The following GRM5 variants were observed in gnomAD, a reference collection of about 807,000 sequenced individuals.
GRM5 encodes the protein glutamate metabotropic receptor 5.
A neutral mutation model predicts 83.1 loss-of-function variants in GRM5; 19 were observed. The observed-to-expected ratio is 0.23, with a 90% CI of 0.16 to 0.34. The LOEUF is 0.34. GRM5 is among the 10% of genes least tolerant of loss of function. The pLI is 1.00. For synonymous variants in GRM5, 675 were observed against 633.6 expected (o/e 1.07, Z -0.98); for missense variants, 1,160 against 1,588.3 (o/e 0.73, Z 4.58).
At chr11:88,819,837 C>A (rs1943755284) in intron 3 of GRM5, among the ~76,000 whole-genome samples, 2 of 152,040 alleles carry the variant, frequency 1.3e-5, no homozygotes, top group African/African-American at 4.8e-5. Context: ...CTGCTTTATC[C>A]CATGTTGGCA....
intron 3 of GRM5, among the ~76,000 whole-genome samples, chr11:88,835,540 T>C (rs1288260544): frequency 6.6e-6 from 1 of 152,184 alleles, no homozygotes; most frequent in Non-Finnish European, 1.5e-5. Context: ...ATGTAGTGTA[T>C]GCCAAATTAC....
intron 3 of GRM5, among the ~76,000 whole-genome samples, chr11:88,822,422 A>G (rs1016443888): frequency 6.6e-6 from 1 of 152,228 alleles, no homozygotes; most frequent in African/African-American, 2.4e-5. Flanking sequence ...AAGTTATTTT[A>G]GGTAGCAAGG....
intron 3 of GRM5, among the ~76,000 whole-genome samples, chr11:88,734,893 T>C (rs1298483869): frequency 6.2e-4 from 95 of 152,210 alleles, no homozygotes; most frequent in East Asian, 3.9e-4. Context: ...ACCAGATGGC[T>C]GTGCTAGCTG....
intron 2 of GRM5, among the ~76,000 whole-genome samples, chr11:89,046,434 C>G (rs1479713258): frequency 3.3e-5 from 5 of 151,846 alleles, no homozygotes; most frequent in Non-Finnish European, 7.4e-5. Flanking sequence ...GGGTCACAAC[C>G]TCTGTAGGTC....
chr11:88,941,799 C>A (rs749612368), intron 2 of GRM5, among the ~76,000 whole-genome samples: 5 of 151,914 alleles, frequency 3.3e-5, no homozygotes, highest in Non-Finnish European at 7.4e-5. Flanking sequence ...CCTACTGATG[C>A]GATGATGTGG....
chr11:88,666,080 A>C (rs1327964121), intron 3 of GRM5, among the ~76,000 whole-genome samples: 1 of 152,166 alleles, frequency 6.6e-6, no homozygotes, highest in Non-Finnish European at 1.5e-5. Flanking sequence ...CCTCCCTTGA[A>C]TTCTTTGCTA....
intron 2 of GRM5, among the ~76,000 whole-genome samples, chr11:88,891,091 CTG>C (rs1945136769): frequency 1.3e-5 from 2 of 152,054 alleles, no homozygotes; most frequent in African/African-American, 4.8e-5. Flanking sequence ...AGCCACTAAT[CTG>C]CCCTTTAGCA....
chr11:88,921,733 G>C (rs1166566845), intron 2 of GRM5, among the ~76,000 whole-genome samples: 1 of 151,992 alleles, frequency 6.6e-6, no homozygotes, highest in Non-Finnish European at 1.5e-5. Flanking sequence ...CTGTTATTCA[G>C]CATAATTCTG....
At chr11:88,678,688 T>C (rs999648209) in intron 3 of GRM5, among the ~76,000 whole-genome samples, 4 of 152,168 alleles carry the variant, frequency 2.6e-5, no homozygotes, top group Non-Finnish European at 5.9e-5. Flanking sequence ...CATTACAAAT[T>C]GATGACCACA....
At chr11:88,943,443 T>A (rs1417470648) in intron 2 of GRM5, among the ~76,000 whole-genome samples, 2 of 152,094 alleles carry the variant, frequency 1.3e-5, no homozygotes, top group Admixed American at 1.3e-4. Context: ...TGTGAAAGTC[T>A]AGGTCTGACT....
chr11:88,790,242 C>T (rs773332654), intron 3 of GRM5, among the ~76,000 whole-genome samples: 33 of 152,154 alleles, frequency 2.2e-4, no homozygotes, highest in Non-Finnish European at 4.0e-4. Flanking sequence ...TCTATCTACC[C>T]ATTAATTCAT....
intron 4 of GRM5, among the ~76,000 whole-genome samples, chr11:88,635,481 G>A (rs1939093187): frequency 6.6e-6 from 1 of 152,140 alleles, no homozygotes; most frequent in African/African-American, 2.4e-5. Context: ...TTTGAGAAAT[G>A]TGTATTCAAA....
chr11:88,986,105 A>C lies in GRM5; in HGVS notation c.661+61107T>G, dbSNP rs1245021054. ...TGGCAGGCTTATTACAGATATCCTT[A>C]AATGGATGAACGTTTAAATGACCAT... On this transcript the variant is annotated intron_variant, in intron 2 of 9. Transcript: ENST00000305447. 2.0e-5 allele frequency among the ~76,000 whole-genome samples: 3 copies of C among 152,300 alleles called. No homozygotes were observed. In the East Asian group the frequency reaches 5.8e-4, roughly 29 times the overall value.
rs116228143 is a variant in GRM5, at chr11:88,679,899, T to C, written c.912-26496A>G. Among the ~76,000 whole-genome samples the C allele has an allele frequency of 4.5e-3, 685 of 150,710 alleles. 7 individuals carry two copies. The highest frequency in any genetic ancestry group is 0.016 in the African/African-American group (661 of 41,014). On this transcript the variant is annotated intron_variant, in intron 3 of 9. Transcript: ENST00000305447. ...CTTTCTCTTAAACCTTAGTTTCACC[T>C]TCCTCATTCTTCATCTTCTTAATCT... is the stretch of plus-strand genomic sequence containing the variant.
At chr11:88,562,654 T>C (rs1400266766) in intron 8 of GRM5, among the ~76,000 whole-genome samples, 1 of 152,150 alleles carries the variant, frequency 6.6e-6, no homozygotes, top group Non-Finnish European at 1.5e-5. Flanking sequence ...CTTTGCTCTC[T>C]TCTCTGTTCC....
chr11:88,931,949 C>T (rs2135648679), intron 2 of GRM5, among the ~76,000 whole-genome samples: 1 of 152,138 alleles, frequency 6.6e-6, no homozygotes, highest in Non-Finnish European at 1.5e-5. Flanking sequence ...TTGATCTCAT[C>T]TATTAGGAGA....
chr11:88,782,947 A>G (rs1349650855), intron 3 of GRM5, among the ~76,000 whole-genome samples: 2 of 152,118 alleles, frequency 1.3e-5, no homozygotes, highest in Non-Finnish European at 2.9e-5. Flanking sequence ...TTAAAAATTA[A>G]TATTGTTTCC....
Position 89,047,738 on chromosome 11 carries a change from G to C in GRM5, c.135C>G (p.His45Gln). 1 of 1,614,080 alleles carries C rather than the reference G, an allele frequency of 6.2e-7. No homozygotes were observed. The highest frequency in any genetic ancestry group is 8.5e-7 in the Non-Finnish European group (1 of 1,180,006). The change falls in exon 2 of 10, where the codon CAC (histidine) becomes CAG (glutamine). Residue 45 changes from histidine to glutamine, a missense_variant. Transcript: ENST00000305447. The surrounding 1 kb of genome is among the most constrained non-coding windows in gnomAD (Gnocchi z 5.1). Reference protein sequence around the residue: ...IIIGALFSVHHQPTVDKVHER... With the variant: ...IIIGALFSVHQQPTVDKVHER... ...CATGAACTTTGTCCACAGTAGGCTG[G>C]TGATGAACAGAAAAGAGAGCTCCAA...
chr11:88,526,772 GA>G (rs1314601984), intron 8 of GRM5, among the ~76,000 whole-genome samples: 1 of 151,902 alleles, frequency 6.6e-6, no homozygotes, highest in East Asian at 1.9e-4. Flanking sequence ...AGTATTTGAA[GA>G]AAAATGGCTT....
Sources: gnomAD v4.1 joint callset for allele counts (sites outside exome capture counted in the v4.1 genomes callset) on GRCh38, gnomAD v4.1.1 for gene constraint, Gnocchi (gnomAD v3.1) non-coding constraint, MANE v1.5 for transcripts, NCBI Gene and HGNC (gene_info 2026-07-23, HGNC 2026-07-21) for gene names.